Variants in IQGAP3 observed in about 807,000 individuals in gnomAD.
The protein encoded by IQGAP3 is IQ motif containing GTPase activating protein 3.
In IQGAP3, 165 loss-of-function variants were observed where a neutral mutation model predicts 208.2. The observed-to-expected ratio is 0.79, with a 90% CI of 0.70 to 0.90. The LOEUF is 0.90. Among genes scored for constraint, IQGAP3 ranks in the 40% least tolerant of loss-of-function variants. IQGAP3 has a pLI of 0.00. For missense variants in IQGAP3, 1,811 were observed against 2,043.1 expected (o/e 0.89, Z 2.19); for synonymous variants, 703 against 803.6 (o/e 0.87, Z 2.12).
chr1:156,548,340 C>T lies in IQGAP3; in HGVS notation c.2133+8G>A. 1 of 1,612,932 alleles carries T rather than the reference C, an allele frequency of 6.2e-7. No homozygotes were observed. The highest frequency in any genetic ancestry group is 8.5e-7 in the Non-Finnish European group (1 of 1,179,282). On this transcript the variant is annotated splice_region_variant and intron_variant, in intron 18 of 37. Transcript: ENST00000361170. Reference sequence around the variant, plus strand: ...AAGATCCCCTACCCTTGCAGGGGCTCTGCCAACCTGGATCTCCTCCCGGGT... The same window carrying T: ...AAGATCCCCTACCCTTGCAGGGGCTTTGCCAACCTGGATCTCCTCCCGGGT...
intron 6 of IQGAP3, 35 bp from the exon 7 acceptor site, chr1:156,563,701 C>G (rs770776767): frequency 2.5e-6 from 4 of 1,609,546 alleles, no homozygotes; most frequent in African/African-American, 2.7e-5. Context: ...TCATCAGGCC[C>G]AGAACCCCCA....
In IQGAP3 at chr1:156,544,214, A is replaced by T. The variant is rs774845693; in HGVS notation, c.2398T>A (p.Trp800Arg). The change falls in exon 21 of 38, where the codon TGG becomes AGG. Residue 800 changes from tryptophan to arginine, a missense_variant. Physicochemically the swap from Trp to Arg is moderately radical, Grantham distance 101. Coordinates refer to ENST00000361170, the MANE Select transcript of IQGAP3 (RefSeq NM_178229.5). ...NLDAIIKIQA[W>R]ARMWAARRQY... ...CTCCGAGCTGCCCACATCCGGGCCCAGGCCTGGATCTGGGAGAAGAAACAC... is the reference window on the plus strand; with the variant it reads ...CTCCGAGCTGCCCACATCCGGGCCCTGGCCTGGATCTGGGAGAAGAAACAC... 34 of 1,613,984 alleles carry T rather than the reference A, an allele frequency of 2.1e-5. No homozygotes were observed. The highest frequency in any genetic ancestry group is 2.9e-5 in the Non-Finnish European group (34 of 1,179,980).
intron 1 of IQGAP3, among the ~76,000 whole-genome samples, chr1:156,570,181 A>G (rs1275980526): frequency 6.6e-6 from 1 of 152,132 alleles, no homozygotes; most frequent in African/African-American, 2.4e-5. Flanking sequence ...TCATTCACTC[A>G]TTCATTCATT....
At chr1:156,543,900 G>A (rs572784463) in intron 22 of IQGAP3, 81 bp downstream of exon 22, 17 of 1,206,388 alleles carry the variant, frequency 1.4e-5, no homozygotes, top group African/African-American at 6.0e-5. Flanking sequence ...CTGTGCAGTC[G>A]CAGAAGGATG....
intron 37 of IQGAP3, among the ~76,000 whole-genome samples, 165 bp from the exon 38 acceptor site, chr1:156,526,764 A>G (rs1418138075): frequency 6.6e-6 from 1 of 152,178 alleles, no homozygotes; most frequent in African/African-American, 2.4e-5. Flanking sequence ...AACTGAGGCA[A>G]GAGAGGTACA....
At chr1:156,527,021 C>T (rs979929115) in intron 37 of IQGAP3, among the ~76,000 whole-genome samples, 3 of 151,290 alleles carry the variant, frequency 2.0e-5, no homozygotes, top group Non-Finnish European at 4.4e-5. Context: ...TTAGTAGAGA[C>T]AGGGTTTCAC....
chr1:156,562,004 GA>G lies in IQGAP3; in HGVS notation c.878-4del, dbSNP rs775939606. On this transcript the variant is annotated splice_region_variant and splice_polypyrimidine_tract_variant and intron_variant, in intron 9 of 37. Transcript: ENST00000361170. ...AACAACTTCTAGAGCCCCATGGACT[GA>G]AAAAAAATGACTCCATAATGGACAG... 1.3e-5 allele frequency: 20 copies of G among 1,590,006 alleles called. No homozygotes were observed. The highest frequency in any genetic ancestry group is 4.5e-5 in the East Asian group (2 of 44,620).
intron 22 of IQGAP3, among the ~76,000 whole-genome samples, chr1:156,541,667 G>A (rs1268888747): frequency 6.6e-6 from 1 of 152,176 alleles, no homozygotes; most frequent in Non-Finnish European, 1.5e-5. Context: ...GAGAAGGTAA[G>A]CAACTTGCCC....
At chr1:156,538,195 G>C (rs921361448) in intron 26 of IQGAP3, among the ~76,000 whole-genome samples, 2 of 152,198 alleles carry the variant, frequency 1.3e-5, no homozygotes, top group African/African-American at 4.8e-5. Flanking sequence ...CGAGTAGCTA[G>C]GACTACAGGT....
chr1:156,540,477 A>G (rs948219970), intron 23 of IQGAP3, among the ~76,000 whole-genome samples: 4 of 152,174 alleles, frequency 2.6e-5, no homozygotes, highest in African/African-American at 9.7e-5. Flanking sequence ...CATCCCTGGG[A>G]ATCAGCAGAG....
At position 156,539,482 on chromosome 1, in the gene IQGAP3, G is replaced by A; in HGVS notation, c.2948C>T (p.Thr983Ile). 6.2e-7 allele frequency: 1 copy of A among 1,614,200 alleles called. No individual in the cohort carries two copies. Among genetic ancestry groups the A allele is most frequent in the South Asian group, 1.1e-5 (1 of 91,082 alleles). ...GAAAATCACTGCCTCCATGAACTTG[G>A]TGGTTTTGTTCTGTGGCATCTGAAA... ...LIFQMPQNKT[T>I]KFMEAVIFSL... is the part of the protein sequence containing the mutation. The change falls in exon 25 of 38, where the codon ACC becomes ATC. Residue 983 changes from threonine (T) to isoleucine (I), a missense_variant. Coordinates refer to ENST00000361170, the MANE Select transcript of IQGAP3 (RefSeq NM_178229.5).
intron 12 of IQGAP3, among the ~76,000 whole-genome samples, chr1:156,555,002 C>T (rs4661182): frequency 0.96 from 146,396 of 152,206 alleles, 70,670 homozygotes; most frequent in Non-Finnish European, 1. Context: ...TGCAATGAGC[C>T]GAGATCATGC....
Position 156,553,811 on chromosome 1 carries a change from C to T in IQGAP3, c.1448+424G>A, listed in dbSNP as rs116540223. Among the ~76,000 whole-genome samples, 1,483 of 152,284 alleles carry T rather than the reference C, an allele frequency of 9.7e-3. 30 individuals carry two copies. The highest frequency in any genetic ancestry group is 0.034 in the African/African-American group (1,403 of 41,566). ...GGTTAGGCTGGTCCCAAACTCCCGA[C>T]GTCAAGTGATCCTCCCGCCTTGGCC... On this transcript the variant is annotated intron_variant, in intron 13 of 37. Coordinates refer to ENST00000361170, the MANE Select transcript of IQGAP3 (RefSeq NM_178229.5).
chr1:156,551,578 C>G, intron 15 of IQGAP3, 127 bp downstream of exon 15: 1 of 983,756 alleles, frequency 1.0e-6, no homozygotes, highest in Non-Finnish European at 1.5e-6. Context: ...GATTGGAACA[C>G]CCCCCTCACC....
chr1:156,548,370 T>C lies in IQGAP3; in HGVS notation c.2111A>G (p.His704Arg). 6.2e-7 allele frequency: 1 copy of C among 1,613,610 alleles called. No homozygotes were observed. ...QPPGCPLNTS[H>R]LTREEIQSAV... ...AACCTGGATCTCCTCCCGGGTCAGG[T>C]GAGAGGTGTTGAGGGGGCAGCCAGG... is the stretch of plus-strand genomic sequence containing the variant. Residue 704 changes from histidine (H) to arginine (R), a missense_variant, in exon 18 of 38, where the codon CAC becomes CGC. Coordinates refer to ENST00000361170, the MANE Select transcript of IQGAP3 (RefSeq NM_178229.5).
In IQGAP3 at chr1:156,562,008, A is replaced by G; in HGVS notation, c.878-7T>C. The G allele has an allele frequency of 6.2e-7, 1 of 1,600,614 alleles. No homozygotes were observed. Among genetic ancestry groups the G allele is most frequent in the Non-Finnish European group, 8.5e-7 (1 of 1,174,198 alleles). On this transcript the variant is annotated splice_polypyrimidine_tract_variant and splice_region_variant and intron_variant, in intron 9 of 37. Coordinates refer to ENST00000361170, the MANE Select transcript of IQGAP3 (RefSeq NM_178229.5). The stretch of plus-strand genomic sequence containing the variant: ...ACTTCTAGAGCCCCATGGACTGAAA[A>G]AAAATGACTCCATAATGGACAGTGT...
Position 156,548,411 on chromosome 1 carries a change from C to A in IQGAP3, c.2070G>T (p.Gly690=). The change falls in exon 18 of 38, where the codon GGG becomes GGT. Residue 690 remains glycine, a synonymous_variant. Coordinates refer to ENST00000361170, the MANE Select transcript of IQGAP3 (RefSeq NM_178229.5). ...AYYFHLQTFQ[G]IWEQPPGCPL... ...GGCAGCCAGGAGGTTGCTCCCAGAT[C>A]CCCTGGAAGGTCTGCAGATGGAAGT... The A allele has an allele frequency of 1.2e-6, 2 of 1,613,956 alleles. No homozygotes were observed. The highest frequency in any genetic ancestry group is 1.7e-6 in the Non-Finnish European group (2 of 1,179,984).
At position 156,533,036 on chromosome 1, in the gene IQGAP3, C is replaced by T. The variant is rs1426130644; in HGVS notation, c.4047G>A (p.Lys1349=). ...KLEVSLTLTN[K]FEGLEADADD... ...CAGCATCTGCCTCTAGTCCTTCAAA[C>T]TTGTTGGTCAGCGTCAGGGACACTT... is the stretch of plus-strand genomic sequence containing the variant. Residue 1349 remains lysine, a synonymous_variant, in exon 32 of 38, where the codon AAG becomes AAA. Transcript: ENST00000361170. 3 of 1,614,002 alleles carry T rather than the reference C, an allele frequency of 1.9e-6. No homozygotes were observed. The highest frequency in any genetic ancestry group is 2.7e-5 in the African/African-American group (2 of 74,906).
intron 3 of IQGAP3, 92 bp downstream of exon 3, chr1:156,566,298 A>C: frequency 7.2e-7 from 1 of 1,379,696 alleles, no homozygotes; most frequent in Non-Finnish European, 1.0e-6. Context: ...AGATTTGGAC[A>C]ATAAGTTATA....
Sources: gnomAD v4.1 joint callset for allele counts (sites outside exome capture counted in the v4.1 genomes callset) on GRCh38, gnomAD v4.1.1 for gene constraint, MANE v1.5 for transcripts, NCBI Gene and HGNC (gene_info 2026-07-23, HGNC 2026-07-21) for gene names.